NOL10: variants seen among roughly 807,000 people sequenced by gnomAD.
NOL10 encodes the protein H_NH0074G24.1.
Under a neutral mutation model 103.5 loss-of-function variants are expected in NOL10, and 58 were observed. The observed-to-expected ratio is 0.56, with a 90% CI of 0.45 to 0.70. The LOEUF (loss-of-function observed/expected upper bound fraction) is 0.70, where lower values mean the gene tolerates loss of function less well. NOL10 is among the 30% of genes least tolerant of loss of function. The probability of loss-of-function intolerance (pLI) is 0.00; values close to 1 mark genes in which losing one functional copy is unlikely to be tolerated. For synonymous variants in NOL10, 287 were observed against 282.5 expected (o/e 1.02, Z -0.16); for missense variants, 763 against 807.3 (o/e 0.95, Z 0.67).
intron 6 of NOL10, among the ~76,000 whole-genome samples, chr2:10,670,501 G>A (rs1049921587): frequency 6.6e-6 from 1 of 152,126 alleles, no homozygotes; most frequent in African/African-American, 2.4e-5. Context: ...TTGGGAGGCC[G>A]AGGTGGGTGG....
chr2:10,628,691 AC>A (rs2148237839), intron 13 of NOL10, among the ~76,000 whole-genome samples: 1 of 152,286 alleles, frequency 6.6e-6, no homozygotes, highest in East Asian at 1.9e-4. Context: ...GGAGACTTGC[AC>A]CTGGTGACTA....
chr2:10,689,596 T>A (rs948171236), intron 1 of NOL10, among the ~76,000 whole-genome samples, 200 bp downstream of exon 1: 1 of 152,250 alleles, frequency 6.6e-6, no homozygotes, highest in Non-Finnish European at 1.5e-5. Flanking sequence ...GTCCAGTTTC[T>A]GGCGCGGTGA....
intron 13 of NOL10, among the ~76,000 whole-genome samples, chr2:10,641,713 CCA>C (rs1678708657): frequency 1.3e-5 from 2 of 152,190 alleles, no homozygotes; most frequent in African/African-American, 4.8e-5. Flanking sequence ...TCCTTACTTC[CCA>C]CACTCATCAA....
chr2:10,639,495 C>T (rs1260817722), intron 13 of NOL10, among the ~76,000 whole-genome samples: 1 of 152,180 alleles, frequency 6.6e-6, no homozygotes, highest in Non-Finnish European at 1.5e-5. Context: ...CATTACCAAG[C>T]AGCAAGCAAT....
chr2:10,662,905 T>C lies in NOL10; in HGVS notation c.677+54A>G, dbSNP rs2148326546. 4 of 1,257,444 alleles carry C rather than the reference T, an allele frequency of 3.2e-6. No homozygotes were observed. The East Asian group carries it at 9.5e-5, about 30-fold the overall frequency. The allele number at this position is 1,257,444 out of a possible 1,614,324, so 77.9% of individuals were successfully genotyped here. A position where few individuals can be genotyped will look rare whatever the true frequency, so the allele number is the denominator to read the frequency against. Reference sequence around the variant, plus strand: ...TTTATTTGAATTTAATATAGACACATTACTTAAATTAAAAGTTGATGAACA... The same window carrying C: ...TTTATTTGAATTTAATATAGACACACTACTTAAATTAAAAGTTGATGAACA... On this transcript the variant is annotated intron_variant, in intron 9 of 20. Transcript: ENST00000381685.
In NOL10 at chr2:10,595,976, C is replaced by T. The variant is rs188153824; in HGVS notation, c.1422+4877G>A. Among the ~76,000 whole-genome samples the T allele has an allele frequency of 1.3e-3, 204 of 152,002 alleles. 1 individual carries two copies. Among genetic ancestry groups the T allele is most frequent in the African/African-American group, 4.7e-3 (195 of 41,478 alleles). The stretch of plus-strand genomic sequence containing the variant: ...ATGTATAACTGTAATTTAAAAAAAA[C>T]AAAAATTTTAATTGATACTAAAAAA... On this transcript the variant is annotated intron_variant, in intron 17 of 20. Coordinates refer to ENST00000381685, the MANE Select transcript of NOL10 (RefSeq NM_024894.4).
intron 3 of NOL10, among the ~76,000 whole-genome samples, chr2:10,680,735 G>C (rs568736876): frequency 2.4e-4 from 37 of 152,182 alleles, no homozygotes; most frequent in Middle Eastern, 3.4e-3. Flanking sequence ...TGTATAAAAG[G>C]TATTACCAAA....
chr2:10,645,477 A>C (rs1678991510), intron 12 of NOL10, among the ~76,000 whole-genome samples: 1 of 151,946 alleles, frequency 6.6e-6, no homozygotes, highest in African/African-American at 2.4e-5. Flanking sequence ...TATTACAGAA[A>C]TGAGATGCTG....
At chr2:10,584,295 T>C (rs533985688) in intron 19 of NOL10, among the ~76,000 whole-genome samples, 1 of 152,328 alleles carries the variant, frequency 6.6e-6, no homozygotes, top group South Asian at 2.1e-4. Context: ...ATGCTCGCAC[T>C]GAGCAGTTGA....
At chr2:10,573,954 C>T (rs947196373) in intron 20 of NOL10, among the ~76,000 whole-genome samples, 1 of 152,068 alleles carries the variant, frequency 6.6e-6, no homozygotes, top group Non-Finnish European at 1.5e-5. Context: ...ATGCAGCAAC[C>T]GGAAGGATTT....
chr2:10,651,659 C>G (rs1408209996), intron 12 of NOL10, among the ~76,000 whole-genome samples: 2 of 152,038 alleles, frequency 1.3e-5, no homozygotes, highest in East Asian at 1.9e-4. Flanking sequence ...ACTCTCTGTG[C>G]CCTTCAAACT....
chr2:10,660,057 G>A (rs531975778), intron 9 of NOL10, among the ~76,000 whole-genome samples: 90 of 152,260 alleles, frequency 5.9e-4, no homozygotes, highest in Non-Finnish European at 1.2e-3. Flanking sequence ...GCTAGGCGAT[G>A]AGTCAGAAGT....
At position 10,689,844 on chromosome 2, in the gene NOL10, G is replaced by C; in HGVS notation, c.18C>G (p.Leu6=). The change falls in exon 1 of 21, where the codon CTC becomes CTG. Residue 6 remains leucine, a synonymous_variant. Transcript: ENST00000381685. The stretch of plus-strand genomic sequence containing the variant: ...TGAGGCTGTAAATCTTCACCTCATT[G>C]AGGCTGGAGACCTGCATGGCGCCGC... The part of the protein sequence containing the change: MQVSS[L]NEVKIYSLSC... The C allele has an allele frequency of 6.2e-7, 1 of 1,607,484 alleles. No individual in the cohort carries two copies. The highest frequency in any genetic ancestry group is 1.1e-5 in the South Asian group (1 of 89,514).
At chr2:10,680,811 C>T (rs756324825) in intron 3 of NOL10, among the ~76,000 whole-genome samples, 36 of 152,272 alleles carry the variant, frequency 2.4e-4, no homozygotes, top group Non-Finnish European at 4.4e-4. Context: ...ACAGGACTTA[C>T]GCGCCAAAAT....
intron 13 of NOL10, chr2:10,622,279 T>A (rs116201923): frequency 2.4e-6 from 1 of 423,366 alleles, no homozygotes; most frequent in Non-Finnish European, 4.8e-6. Context: ...AAAATGATAT[T>A]GTGATCAAAA....
intron 17 of NOL10, 84 bp downstream of exon 17, chr2:10,600,769 T>G: frequency 1.1e-6 from 1 of 921,430 alleles, no homozygotes; most frequent in East Asian, 2.7e-5. Flanking sequence ...ACATGTATTT[T>G]TAAAGTAAAA....
At chr2:10,656,589 C>A (rs1342385379) in intron 11 of NOL10, among the ~76,000 whole-genome samples, 1 of 152,160 alleles carries the variant, frequency 6.6e-6, no homozygotes, top group Non-Finnish European at 1.5e-5. Flanking sequence ...ATTTAAAAAA[C>A]CAAAGTAACA....
At chr2:10,681,301 A>G (rs2148362565) in intron 3 of NOL10, among the ~76,000 whole-genome samples, 1 of 152,224 alleles carries the variant, frequency 6.6e-6, no homozygotes, top group African/African-American at 2.4e-5. Flanking sequence ...AAAAGAAGCT[A>G]TTGACACATA....
chr2:10,668,410 T>C (rs560477063), intron 7 of NOL10, among the ~76,000 whole-genome samples: 353 of 152,228 alleles, frequency 2.3e-3, no homozygotes, highest in African/African-American at 8.2e-3. Flanking sequence ...CAAGTAATAA[T>C]AATAAACTGA....
Sources: allele counts gnomAD v4.1 joint callset (sites outside exome capture counted in the v4.1 genomes callset), GRCh38; gene constraint gnomAD v4.1.1; transcripts MANE v1.5; gene names NCBI Gene and HGNC (gene_info 2026-07-23, HGNC 2026-07-21).